UBL7: variants seen among roughly 807,000 people sequenced by gnomAD.
The protein encoded by UBL7 is ubiquitin like 7, also known as ubiquitin-like protein 7.
Under a neutral mutation model 41.7 loss-of-function variants are expected in UBL7, and 21 were observed. The ratio of observed to expected loss-of-function variants is 0.50; its 90% CI spans 0.36 to 0.73. The LOEUF is 0.73. Among genes scored for constraint, UBL7 ranks in the 30% least tolerant of loss-of-function variants. The pLI is 0.00. For synonymous variants in UBL7, 157 were observed against 186.9 expected, an observed-to-expected ratio of 0.84 and a Z score of 1.31; for missense variants, 403 against 478.4, an observed-to-expected ratio of 0.84 and a Z score of 1.47.
rs375041708 is a variant in UBL7 at position 74,450,929 on chromosome 15, G to A, written c.473-70C>T. 100 of 1,542,452 alleles carry A rather than the reference G, an allele frequency of 6.5e-5. 1 individual carries two copies. The African/African-American group carries it at 9.1e-4, about 14-fold the overall frequency. On this transcript the variant is annotated intron_variant, in intron 5 of 10. Coordinates refer to ENST00000395081, the MANE Select transcript of UBL7 (RefSeq NM_032907.5). ...ATCCAGGAGGGAGAAGAGGCTTTGC[G>A]TCTCAGAGCAACCAGCTCAACAGGG...
intron 3 of UBL7, 28 bp downstream of exon 3, chr15:74,456,524 G>C (rs780340307): frequency 6.2e-7 from 1 of 1,611,654 alleles, no homozygotes; most frequent in Non-Finnish European, 8.5e-7. Flanking sequence ...CAGAAACTCT[G>C]CCTGCCTAAG....
rs374466810 is a variant in UBL7, at chr15:74,446,098, C to T, written c.1135G>A (p.Ala379Thr). ...CAGGGGAAGCAGGGAGTTCATGGGG[C>T]TCCTCCAGCAAAGATGAGCTCCAGG... ...AALELIFAGG[A>T]P Residue 379 changes from alanine (A) to threonine (T), a missense_variant, in exon 11 of 11, where the codon GCC becomes ACC. By Grantham distance (58) the Ala-to-Thr change is moderately conservative (BLOSUM62 0). Coordinates refer to ENST00000395081, the MANE Select transcript of UBL7 (RefSeq NM_032907.5). The surrounding 1 kb of genome is among the most constrained non-coding windows in gnomAD (Gnocchi z 4.1). The T allele has an allele frequency of 6.2e-6, 10 of 1,613,802 alleles. No individual in the cohort carries two copies. Among genetic ancestry groups the T allele is most frequent in the Non-Finnish European group, 7.6e-6 (9 of 1,179,930 alleles).
chr15:74,459,970 G>A (rs1044597183), intron 1 of UBL7, among the ~76,000 whole-genome samples: 1 of 140,164 alleles, frequency 7.1e-6, no homozygotes, highest in Non-Finnish European at 1.5e-5. Flanking sequence ...AGCCAGACGC[G>A]GTGGCTCACA....
chr15:74,461,167 C>G, upstream of UBL7: 2 of 988,886 alleles, frequency 2.0e-6, no homozygotes, highest in Non-Finnish European at 2.4e-6. Context: ...CTCTGGCCCT[C>G]TCGCCGGAAA....
At position 74,449,970 on chromosome 15, in the gene UBL7, C is replaced by G. The variant is rs1306090268; in HGVS notation, c.630G>C (p.Arg210=). The part of the protein sequence containing the change: ...APMPGTDSSS[R]SMPSSSYRDM... ...CCCGGTATGAGCTGGAGGGCATGCT[C>G]CGGGAAGAGGAGTCAGTCCCAGGCA... The change falls in exon 7 of 11, where the codon CGG becomes CGC. Residue 210 remains arginine, a synonymous_variant. Coordinates refer to ENST00000395081, the MANE Select transcript of UBL7 (RefSeq NM_032907.5). The G allele has an allele frequency of 6.2e-7, 1 of 1,613,212 alleles. No individual in the cohort carries two copies. The highest frequency in any genetic ancestry group is 1.3e-5 in the African/African-American group (1 of 75,032).
At chr15:74,454,728 G>C (rs1016021531) in intron 3 of UBL7, among the ~76,000 whole-genome samples, 1 of 152,128 alleles carries the variant, frequency 6.6e-6, no homozygotes, top group African/African-American at 2.4e-5. Flanking sequence ...TTTTGGTTTT[G>C]TCTGGCTGAT....
chr15:74,453,528 G>C (rs2061268884), intron 3 of UBL7, among the ~76,000 whole-genome samples: 2 of 152,132 alleles, frequency 1.3e-5, no homozygotes, highest in South Asian at 2.1e-4. Context: ...TATTTACTGG[G>C]GGGGTGAAGG....
At chr15:74,447,024 C>A (rs1456501249) in intron 10 of UBL7, among the ~76,000 whole-genome samples, 1 of 152,138 alleles carries the variant, frequency 6.6e-6, no homozygotes, top group Admixed American at 6.5e-5. Context: ...AAAAAATGCA[C>A]ACAGATCAAT....
rs1436509400 is a variant in UBL7 at position 74,450,033 on chromosome 15, A to G, written c.567T>C (p.Ile189=). Residue 189 remains isoleucine, a synonymous_variant, in exon 7 of 11, where the codon ATT becomes ATC. Coordinates refer to ENST00000395081, the MANE Select transcript of UBL7 (RefSeq NM_032907.5). ...CTGCTACGGAGTGCAGAACCAGGAC[A>G]ATGGCATTGACGAGGGCTGGGTGAG... The part of the protein sequence containing the change: ...VPAHPALVNA[I]VLVLHSVAGS... The G allele has an allele frequency of 3.1e-6, 5 of 1,613,786 alleles. No homozygotes were observed. The Admixed American group carries it at 8.3e-5, about 27-fold the overall frequency.
chr15:74,450,094 CA>C (rs775612287), intron 6 of UBL7, 25 bp from the exon 7 acceptor site: 1 of 1,598,682 alleles, frequency 6.3e-7, no homozygotes, highest in South Asian at 1.1e-5. Flanking sequence ...GGAAGAAACC[CA>C]AGGGTGACTC....
intron 3 of UBL7, among the ~76,000 whole-genome samples, chr15:74,453,513 G>A (rs2061268633): frequency 6.6e-6 from 1 of 152,128 alleles, no homozygotes; most frequent in Non-Finnish European, 1.5e-5. Flanking sequence ...CAAAGAGAGA[G>A]CTGATATTTA....
At chr15:74,456,086 C>T (rs1013666930) in intron 3 of UBL7, among the ~76,000 whole-genome samples, 2 of 148,732 alleles carry the variant, frequency 1.3e-5, no homozygotes, top group Non-Finnish European at 3.0e-5. Flanking sequence ...AAGATCACAC[C>T]ACTGCACTCC....
rs1412596640 is a variant in UBL7 at position 74,458,914 on chromosome 15, C to T, written c.-29-18G>A. On this transcript the variant is annotated intron_variant, in intron 1 of 10. Transcript: ENST00000395081. ...CTTTCTCCCTGTAAAAGAACAAAAC[C>T]TCAGTGGTTAAAAGACAGACCACCA... The T allele has an allele frequency of 1.3e-6, 2 of 1,599,792 alleles. No individual in the cohort carries two copies. Among genetic ancestry groups the T allele is most frequent in the Admixed American group, 3.3e-5 (2 of 59,976 alleles).
intron 1 of UBL7, chr15:74,460,665 T>C (rs913292314): frequency 1.6e-6 from 2 of 1,283,264 alleles, no homozygotes; most frequent in South Asian, 1.3e-5. Context: ...CTTGTCCCCA[T>C]ACCTGGCATA....
In UBL7 at chr15:74,461,130, C is replaced by A. The variant is rs896585789; in HGVS notation, c.-123G>T. On this transcript the variant is annotated 5_prime_UTR_variant, in exon 1 of 11. Coordinates refer to ENST00000395081, the MANE Select transcript of UBL7 (RefSeq NM_032907.5). ...CACCCGTCCCGCGGAAGGAACCCGGCCGCACTGCCGCCGGTGTAAACACTC... is the reference window on the plus strand; with the variant it reads ...CACCCGTCCCGCGGAAGGAACCCGGACGCACTGCCGCCGGTGTAAACACTC... 19 of 997,044 alleles carry A rather than the reference C, an allele frequency of 1.9e-5. No individual in the cohort carries two copies. In the African/African-American group the frequency reaches 2.3e-4, roughly 12 times the overall value. 61.8% of individuals were successfully genotyped at this position (997,044 alleles called of 1,614,324 possible).
At chr15:74,456,695 T>A (rs752804639) in intron 2 of UBL7, 24 bp from the exon 3 acceptor site, 1 of 1,598,690 alleles carries the variant, frequency 6.3e-7, no homozygotes, top group Non-Finnish European at 8.6e-7. Flanking sequence ...TGTCCACTTA[T>A]ATTTTGCTCC....
intron 2 of UBL7, among the ~76,000 whole-genome samples, chr15:74,457,793 G>C (rs1353408700): frequency 1.3e-5 from 2 of 151,004 alleles, no homozygotes; most frequent in African/African-American, 4.8e-5. Flanking sequence ...AAAAACTCTG[G>C]AGTTTAACAT....
At chr15:74,460,565 G>T in intron 1 of UBL7, 1 of 614,262 alleles carries the variant, frequency 1.6e-6, no homozygotes, top group Non-Finnish European at 2.4e-6. Flanking sequence ...CATCCCCTCA[G>T]AACAAAAGGG....
Position 74,451,413 on chromosome 15 carries a change from C to T in UBL7, c.472+23G>A, listed in dbSNP as rs570505135. On this transcript the variant is annotated intron_variant, in intron 5 of 10. Transcript: ENST00000395081. ...CTCCTTTTCCGACAACTCCTATTTC[C>T]TCAAATTCAGTCCTGCACTTACCAA... 68 of 1,606,982 alleles carry T rather than the reference C, an allele frequency of 4.2e-5. No individual in the cohort carries two copies. In the East Asian group the frequency reaches 1.3e-3, roughly 32 times the overall value.
Sources: gnomAD v4.1 joint callset for allele counts (sites outside exome capture counted in the v4.1 genomes callset) on GRCh38, gnomAD v4.1.1 for gene constraint, Gnocchi (gnomAD v3.1) non-coding constraint, MANE v1.5 for transcripts, NCBI Gene and HGNC (gene_info 2026-07-23, HGNC 2026-07-21) for gene names.